The following STRN3 variants were observed in gnomAD, a reference collection of about 807,000 sequenced individuals.
STRN3 encodes the protein striatin 3.
A neutral mutation model predicts 95.6 loss-of-function variants in STRN3; 29 were observed. The ratio of observed to expected loss-of-function variants is 0.30; its 90% CI spans 0.23 to 0.41. The LOEUF (loss-of-function observed/expected upper bound fraction) is 0.41, where lower values mean the gene tolerates loss of function less well. Among genes scored for constraint, STRN3 ranks in the 10% least tolerant of loss-of-function variants. STRN3 has a pLI of 1.00. For missense variants in STRN3, 890 were observed against 972.1 expected, an observed-to-expected ratio of 0.92 and a Z score of 1.12; for synonymous variants, 331 against 357.6, an observed-to-expected ratio of 0.93 and a Z score of 0.84.
At chr14:30,933,287 A>T (rs1272978123) in intron 7 of STRN3, among the ~76,000 whole-genome samples, 1 of 149,948 alleles carries the variant, frequency 6.7e-6, no homozygotes, top group Non-Finnish European at 1.5e-5. Flanking sequence ...TCATAAAAAA[A>T]AAAAAAAAAA....
chr14:31,017,533 T>A (rs1228262749), intron 1 of STRN3, among the ~76,000 whole-genome samples: 2 of 151,380 alleles, frequency 1.3e-5, no homozygotes, highest in African/African-American at 4.9e-5. Flanking sequence ...AGATTTAAAA[T>A]ATACAGGAAG....
chr14:30,902,184 AAAAAAAAAAAAAAAAAAAAAAAAAT>A (rs1236136249), intron 16 of STRN3, among the ~76,000 whole-genome samples: 3 of 137,472 alleles, frequency 2.2e-5, no homozygotes, highest in African/African-American at 8.3e-5. Flanking sequence ...AAAAAAAAAA[AAAAAAAAAAAAAAAAAAAAAAAAAT>A]GGAAATGCCA....
intron 1 of STRN3, among the ~76,000 whole-genome samples, chr14:30,969,582 A>C (rs1470910577): frequency 6.6e-6 from 1 of 152,216 alleles, no homozygotes; most frequent in Non-Finnish European, 1.5e-5. Context: ...AAAATCATAC[A>C]GGAAGCATTG....
chr14:30,993,252 C>T (rs768177378), intron 1 of STRN3, among the ~76,000 whole-genome samples: 17 of 70,148 alleles, frequency 2.4e-4, no homozygotes, highest in Non-Finnish European at 5.7e-4. Flanking sequence ...GAGACACTGT[C>T]TCAAAAAAAA....
At chr14:30,990,495 G>A (rs950833866) in intron 1 of STRN3, among the ~76,000 whole-genome samples, 1 of 152,100 alleles carries the variant, frequency 6.6e-6, no homozygotes, top group Non-Finnish European at 1.5e-5. Flanking sequence ...TTAAGAGATG[G>A]CATGTACTTG....
chr14:30,907,674 G>C (rs1007452961), intron 13 of STRN3, among the ~76,000 whole-genome samples: 4 of 152,106 alleles, frequency 2.6e-5, no homozygotes, highest in African/African-American at 9.7e-5. Context: ...GTCCACTGCA[G>C]CCTTGAACTC....
chr14:31,004,145 T>G (rs1481545107), intron 1 of STRN3, among the ~76,000 whole-genome samples: 2 of 151,670 alleles, frequency 1.3e-5, no homozygotes, highest in East Asian at 3.9e-4. Flanking sequence ...ATTAGCCGGG[T>G]GTGATGGCAT....
intron 6 of STRN3, 120 bp downstream of exon 6, chr14:30,936,375 T>G (rs1182060463): frequency 1.7e-6 from 2 of 1,200,850 alleles, no homozygotes; most frequent in Non-Finnish European, 2.3e-6. Flanking sequence ...CATAAAACTT[T>G]TAACCAATAT....
intron 9 of STRN3, among the ~76,000 whole-genome samples, chr14:30,916,314 G>A (rs1272277632): frequency 8.3e-5 from 12 of 145,404 alleles, no homozygotes; most frequent in South Asian, 4.3e-4. Flanking sequence ...TTGCTCTGTC[G>A]CCCTGGCTGG....
In STRN3 at chr14:30,929,954, C is replaced by CAAAAAAAAAAAAAAAAA. The variant is rs1191963792; in HGVS notation, c.989-660_989-644dup. Among the ~76,000 whole-genome samples, 132 of 39,934 alleles carry CAAAAAAAAAAAAAAAAA rather than the reference C, an allele frequency of 3.3e-3. 11 individuals carry two copies. The highest frequency in any genetic ancestry group is 4.5e-3 in the African/African-American group (36 of 8,042). 26.2% of individuals were successfully genotyped at this position (39,934 alleles called of 152,430 possible). On this transcript the variant is annotated intron_variant, in intron 7 of 17. Transcript: ENST00000357479. ...TCCATTGGTCTACAACTAAGATTAG[C>CAAAAAAAAAAAAAAAAA]AAAAAAAAAAAAAAAAAAAAAAAAA...
intron 5 of STRN3, among the ~76,000 whole-genome samples, chr14:30,943,693 C>T (rs1369737458): frequency 1.3e-5 from 2 of 152,082 alleles, no homozygotes; most frequent in South Asian, 2.1e-4. Flanking sequence ...ATTGGAATAT[C>T]GTTGGTTATG....
intron 1 of STRN3, among the ~76,000 whole-genome samples, chr14:30,990,490 A>G (rs1024993950): frequency 6.6e-6 from 1 of 152,134 alleles, no homozygotes; most frequent in Non-Finnish European, 1.5e-5. Context: ...GACTTTTAAG[A>G]GATGGCATGT....
intron 1 of STRN3, among the ~76,000 whole-genome samples, chr14:31,023,912 T>C (rs959067891): frequency 6.7e-6 from 1 of 149,304 alleles, no homozygotes; most frequent in Non-Finnish European, 1.5e-5. Flanking sequence ...CTAGAAACAC[T>C]GTAGGACTTC....
chr14:30,923,630 C>G (rs537649146), intron 8 of STRN3, among the ~76,000 whole-genome samples: 93 of 152,128 alleles, frequency 6.1e-4, no homozygotes, highest in African/African-American at 2.2e-3. Context: ...ATGGGGAAAG[C>G]CTATACATCT....
At position 30,894,854 on chromosome 14, in the gene STRN3, C is replaced by T; in HGVS notation, c.*557G>A. The T allele has an allele frequency of 5.1e-6, 3 of 585,772 alleles. No homozygotes were observed. The highest frequency in any genetic ancestry group is 7.2e-6 in the Non-Finnish European group (3 of 414,624). 36.3% of individuals were successfully genotyped at this position (585,772 alleles called of 1,614,324 possible). ...TAGAATTTTATCCAAACATTTTGTG[C>T]AACTAATGCTAAAATATTTTAAGTT... On this transcript the variant is annotated 3_prime_UTR_variant, in exon 18 of 18. Transcript: ENST00000357479.
At chr14:30,931,039 CTG>C (rs1010716097) in intron 7 of STRN3, among the ~76,000 whole-genome samples, 5 of 151,946 alleles carry the variant, frequency 3.3e-5, no homozygotes, top group African/African-American at 7.3e-5. Context: ...GAGAATAAAA[CTG>C]TGAATAGCTC....
At chr14:30,908,180 CCTT>C (rs1896516406) in intron 13 of STRN3, among the ~76,000 whole-genome samples, 1 of 152,102 alleles carries the variant, frequency 6.6e-6, no homozygotes, top group Non-Finnish European at 1.5e-5. Context: ...AAATTCTCCT[CCTT>C]GGAATCATTA....
At chr14:30,944,450 C>T (rs557338741) in intron 5 of STRN3, among the ~76,000 whole-genome samples, 1 of 149,286 alleles carries the variant, frequency 6.7e-6, no homozygotes, top group African/African-American at 2.5e-5. Flanking sequence ...AAAAAATACA[C>T]ATACACACAT....
intron 1 of STRN3, among the ~76,000 whole-genome samples, chr14:30,973,254 A>C (rs1880921568): frequency 1.4e-5 from 1 of 69,722 alleles, no homozygotes; most frequent in Non-Finnish European, 2.9e-5. Context: ...GAGATCAATG[A>C]AACAGAATAG....
Sources: gnomAD v4.1 joint callset for allele counts (sites outside exome capture counted in the v4.1 genomes callset) on GRCh38, gnomAD v4.1.1 for gene constraint, MANE v1.5 for transcripts, NCBI Gene and HGNC (gene_info 2026-07-23, HGNC 2026-07-21) for gene names.